MPZL1: variants seen among roughly 807,000 people sequenced by gnomAD.
MPZL1 encodes myelin protein zero-like protein 1.
Under a neutral mutation model 29.3 loss-of-function variants are expected in MPZL1, and 16 were observed. That is an observed-to-expected ratio of 0.55 (90% CI 0.37 to 0.83). MPZL1 has a LOEUF of 0.83. Among genes scored for constraint, MPZL1 ranks in the 40% least tolerant of loss-of-function variants. The probability of loss-of-function intolerance (pLI) is 0.00; values close to 1 mark genes in which losing one functional copy is unlikely to be tolerated. For missense variants in MPZL1, 279 were observed against 332.9 expected (o/e 0.84, Z 1.26); for synonymous variants, 143 against 132.0 (o/e 1.08, Z -0.57).
intron 1 of MPZL1, among the ~76,000 whole-genome samples, chr1:167,734,664 A>C (rs1459464509): frequency 2.0e-5 from 3 of 152,214 alleles, no homozygotes; most frequent in African/African-American, 7.2e-5. Context: ...CCTGAGACTT[A>C]AGTCTAGTTA....
At chr1:167,760,005 C>A (rs977487656) in intron 1 of MPZL1, among the ~76,000 whole-genome samples, 2 of 152,002 alleles carry the variant, frequency 1.3e-5, no homozygotes, top group Non-Finnish European at 2.9e-5. Flanking sequence ...GTGATATGAT[C>A]CAACCTGAAT....
intron 2 of MPZL1, among the ~76,000 whole-genome samples, chr1:167,769,435 C>T (rs1368831822): frequency 6.6e-6 from 1 of 152,150 alleles, no homozygotes; most frequent in African/African-American, 2.4e-5. Context: ...TGGGGTTCCT[C>T]GGCTGTGATG....
In MPZL1 at chr1:167,751,860, G is replaced by A. The variant is rs76686450; in HGVS notation, c.92-13723G>A. On this transcript the variant is annotated intron_variant, in intron 1 of 5. Transcript: ENST00000359523. ...TTTTTCTATTTTTCCAGTATTGGAG[G>A]CAGAATGAAACTAACAAAAATCCTT... Among the ~76,000 whole-genome samples, 154 of 152,178 alleles carry A rather than the reference G, an allele frequency of 1.0e-3. No homozygotes were observed. In the East Asian group the frequency reaches 0.025, roughly 25 times the overall value.
At chr1:167,740,846 T>A (rs560554599) in intron 1 of MPZL1, among the ~76,000 whole-genome samples, 2 of 152,280 alleles carry the variant, frequency 1.3e-5, no homozygotes, top group African/African-American at 4.8e-5. Context: ...GTTAAATCTA[T>A]CCAGTTGCTC....
intron 2 of MPZL1, among the ~76,000 whole-genome samples, chr1:167,766,142 A>G (rs977411207): frequency 3.3e-5 from 5 of 152,112 alleles, no homozygotes; most frequent in Admixed American, 6.5e-5. Flanking sequence ...AATTTAGCGT[A>G]TAGTCCATCT....
chr1:167,759,012 C>T (rs12062074), intron 1 of MPZL1, among the ~76,000 whole-genome samples: 1 of 152,112 alleles, frequency 6.6e-6, no homozygotes, highest in African/African-American at 2.4e-5. Flanking sequence ...TATTTTATTT[C>T]ATTTCATTTC....
chr1:167,743,192 T>C (rs1660570499), intron 1 of MPZL1, among the ~76,000 whole-genome samples: 2 of 151,914 alleles, frequency 1.3e-5, no homozygotes, highest in Non-Finnish European at 2.9e-5. Context: ...GTAGATTACT[T>C]TTGGCAGTAT....
intron 1 of MPZL1, among the ~76,000 whole-genome samples, chr1:167,735,597 T>C (rs1398249049): frequency 6.6e-6 from 1 of 152,162 alleles, no homozygotes; most frequent in East Asian, 1.9e-4. Flanking sequence ...GCTCATATGA[T>C]TGTGGAGGCT....
At chr1:167,740,045 C>T (rs1429085385) in intron 1 of MPZL1, among the ~76,000 whole-genome samples, 6 of 152,224 alleles carry the variant, frequency 3.9e-5, no homozygotes, top group Non-Finnish European at 1.5e-5. Flanking sequence ...GCTCCTACTT[C>T]CCCAGCCCTT....
intron 1 of MPZL1, among the ~76,000 whole-genome samples, chr1:167,757,005 G>A (rs917386433): frequency 2.6e-5 from 4 of 152,218 alleles, no homozygotes; most frequent in East Asian, 1.9e-4. Context: ...GTGCAGAAGA[G>A]TGTGTTCCTG....
In MPZL1 at chr1:167,722,116, C is replaced by CGCGGCGGCG; in HGVS notation, c.-26_-18dup. The CGCGGCGGCG allele has an allele frequency of 3.2e-6, 4 of 1,233,368 alleles. No individual in the cohort carries two copies. Among genetic ancestry groups the CGCGGCGGCG allele is most frequent in the South Asian group, 4.1e-5 (1 of 24,420 alleles). The allele number at this position is 1,233,368 out of a possible 1,614,324, so 76.4% of individuals were successfully genotyped here. ...CTCAGCGGGGACCCGGGCTCAGGGA[C>CGCGGCGGCG]GCGGCGGCGGCGGCGGCGACTGCAG... On this transcript the variant is annotated 5_prime_UTR_variant, in exon 1 of 6. Coordinates refer to ENST00000359523, the MANE Select transcript of MPZL1 (RefSeq NM_003953.6).
At chr1:167,729,538 C>A (rs2101746696) in intron 1 of MPZL1, among the ~76,000 whole-genome samples, 1 of 152,318 alleles carries the variant, frequency 6.6e-6, no homozygotes, top group East Asian at 1.9e-4. Context: ...TATATACTTT[C>A]TTCCAAAGGG....
At position 167,765,738 on chromosome 1, in the gene MPZL1, A is replaced by T. The variant is rs778224369; in HGVS notation, c.247A>T (p.Thr83Ser). 5 of 1,607,422 alleles carry T rather than the reference A, an allele frequency of 3.1e-6. No individual in the cohort carries two copies. Among genetic ancestry groups the T allele is most frequent in the Non-Finnish European group, 4.2e-6 (5 of 1,177,328 alleles). Reference protein sequence around the residue: ...SWSFQPEGADTTVSFFHYSQG... With the variant: ...SWSFQPEGADSTVSFFHYSQG... ...GAGCTTCCAGCCAGAGGGGGCCGAC[A>T]CTACTGTGTCGGTAAGAATGCTTGA... The change falls in exon 2 of 6, where the codon ACT becomes TCT. Residue 83 changes from threonine to serine, a missense_variant. Coordinates refer to ENST00000359523, the MANE Select transcript of MPZL1 (RefSeq NM_003953.6).
chr1:167,765,411 A>G lies in MPZL1; in HGVS notation c.92-172A>G, dbSNP rs1661091746. On this transcript the variant is annotated intron_variant, in intron 1 of 5. Coordinates refer to ENST00000359523, the MANE Select transcript of MPZL1 (RefSeq NM_003953.6). ...AACTGTCAGCAATTATTCTGTTTAT[A>G]GTGCTATTCTGATTGAACTTAGCTG... The G allele has an allele frequency of 1.9e-5, 8 of 418,580 alleles. No individual in the cohort carries two copies. The South Asian group carries it at 4.0e-4, about 21-fold the overall frequency. 25.9% of individuals were successfully genotyped at this position (418,580 alleles called of 1,614,324 possible).
At chr1:167,784,211 A>T (rs1432381328) in intron 5 of MPZL1, among the ~76,000 whole-genome samples, 1 of 152,208 alleles carries the variant, frequency 6.6e-6, no homozygotes, top group East Asian at 1.9e-4. Flanking sequence ...CTCTAGTTGT[A>T]ACTAAAATAA....
At chr1:167,745,830 T>C (rs1207444696) in intron 1 of MPZL1, among the ~76,000 whole-genome samples, 1 of 152,098 alleles carries the variant, frequency 6.6e-6, no homozygotes, top group Admixed American at 6.6e-5. Flanking sequence ...ATAGGTTAAC[T>C]GATAGTTGGA....
At chr1:167,726,528 T>G (rs998410666) in intron 1 of MPZL1, among the ~76,000 whole-genome samples, 1 of 152,210 alleles carries the variant, frequency 6.6e-6, no homozygotes, top group African/African-American at 2.4e-5. Context: ...GTTAGGAGTT[T>G]GCAATATGTA....
intron 5 of MPZL1, among the ~76,000 whole-genome samples, chr1:167,780,706 C>T (rs1661479638): frequency 6.6e-6 from 1 of 152,096 alleles, no homozygotes; most frequent in Admixed American, 6.6e-5. Context: ...TTCATAGAGA[C>T]AGAAAGTAGA....
chr1:167,772,478 C>T lies in MPZL1; in HGVS notation c.462C>T (p.Val154=), dbSNP rs994503458. The T allele has an allele frequency of 3.7e-6, 6 of 1,611,328 alleles. No individual in the cohort carries two copies. The Admixed American group carries it at 5.0e-5, about 14-fold the overall frequency. The part of the protein sequence containing the change: ...VVQPGHIRLY[V]VEKENLPVFP... ...AGCCTGGACACATTAGGCTCTATGT[C>T]GTAGAAAAAGGTACTTCCTTGAGTA... Residue 154 remains valine (V), a synonymous_variant, in exon 3 of 6, where the codon GTC becomes GTT. Transcript: ENST00000359523.
Sources: gnomAD v4.1 joint callset for allele counts (sites outside exome capture counted in the v4.1 genomes callset) on GRCh38, gnomAD v4.1.1 for gene constraint, MANE v1.5 for transcripts, NCBI Gene and HGNC (gene_info 2026-07-23, HGNC 2026-07-21) for gene names.